GRAMD1B: variants seen among roughly 807,000 people sequenced by gnomAD.
The protein encoded by GRAMD1B is GRAM domain containing 1B, also known as protein Aster-B.
A neutral mutation model predicts 99.7 loss-of-function variants in GRAMD1B; 37 were observed. The observed-to-expected ratio is 0.37, with a 90% CI of 0.29 to 0.49. The LOEUF is 0.49. GRAMD1B is among the 20% of genes least tolerant of loss of function. The pLI, the probability that GRAMD1B is intolerant of heterozygous loss-of-function variation, is 0.98. For missense variants in GRAMD1B, 888 were observed against 1,009.2 expected (o/e 0.88, Z 1.63); for synonymous variants, 427 against 387.6 (o/e 1.10, Z -1.19).
chr11:123,442,922 G>A (rs558213719), intron 1 of GRAMD1B, among the ~76,000 whole-genome samples: 1 of 151,686 alleles, frequency 6.6e-6, no homozygotes, highest in African/African-American at 2.4e-5. Flanking sequence ...ATTTGTAAAT[G>A]GTCATGGCGC....
chr11:123,528,009 A>G (rs1185998028), intron 2 of GRAMD1B, among the ~76,000 whole-genome samples: 5 of 152,224 alleles, frequency 3.3e-5, no homozygotes, highest in Non-Finnish European at 1.5e-5. Context: ...AAGGATGGGA[A>G]AATGTTGTCA....
chr11:123,377,841 ACT>A (rs1946741333), intron 1 of GRAMD1B, among the ~76,000 whole-genome samples: 1 of 152,190 alleles, frequency 6.6e-6, no homozygotes, highest in Non-Finnish European at 1.5e-5. Context: ...AAGATCTCAA[ACT>A]CAAATGAAAT....
Position 123,624,609 on chromosome 11 carries a change from G to C in GRAMD1B, c.*2014G>C, listed in dbSNP as rs946772343. On this transcript the variant is annotated 3_prime_UTR_variant, in exon 20 of 20. Coordinates refer to ENST00000635736, the MANE Select transcript of GRAMD1B (RefSeq NM_001387025.1). ...GTGAGGGACACTGGTAGGGATCAAGGCTCATGGGCTCTGAGCCAAAGAAGG... is the reference window on the plus strand; with the variant it reads ...GTGAGGGACACTGGTAGGGATCAAGCCTCATGGGCTCTGAGCCAAAGAAGG... 1 of 152,200 alleles carries C rather than the reference G, an allele frequency of 6.6e-6. No individual in the cohort carries two copies. Among genetic ancestry groups the C allele is most frequent in the African/African-American group, 2.4e-5 (1 of 41,440 alleles). The allele number at this position is 152,200 out of a possible 1,614,324, so 9.4% of individuals were successfully genotyped here.
intron 1 of GRAMD1B, among the ~76,000 whole-genome samples, chr11:123,388,478 G>T (rs1023193871): frequency 3.9e-5 from 6 of 152,000 alleles, no homozygotes; most frequent in African/African-American, 1.5e-4. Flanking sequence ...TTTGAGACCA[G>T]CCTGGGCAAC....
intron 2 of GRAMD1B, among the ~76,000 whole-genome samples, chr11:123,575,613 G>T: frequency 6.6e-6 from 1 of 152,184 alleles, no homozygotes; most frequent in East Asian, 1.9e-4. Context: ...GTTGGCCCTA[G>T]AGCAAGGAGG....
chr11:123,545,424 A>T (rs78451755), intron 2 of GRAMD1B, among the ~76,000 whole-genome samples: 1 of 152,208 alleles, frequency 6.6e-6, no homozygotes, highest in Non-Finnish European at 1.5e-5. Context: ...GCTAGTCATC[A>T]GAATCATGTG....
At chr11:123,548,321 T>TACACACACACACACACAC (rs1484787385) in intron 2 of GRAMD1B, among the ~76,000 whole-genome samples, 4 of 107,214 alleles carry the variant, frequency 3.7e-5, no homozygotes, top group Non-Finnish European at 7.0e-5. Flanking sequence ...TATATATATA[T>TACACACACACACACACAC]ATATACACAC....
At chr11:123,571,306 C>T (rs1948047770) in intron 2 of GRAMD1B, among the ~76,000 whole-genome samples, 1 of 152,124 alleles carries the variant, frequency 6.6e-6, no homozygotes, top group South Asian at 2.1e-4. Flanking sequence ...AGGAAGAAAG[C>T]CAAGCAAAGT....
At chr11:123,533,881 A>G (rs1219193099) in intron 2 of GRAMD1B, among the ~76,000 whole-genome samples, 1 of 152,238 alleles carries the variant, frequency 6.6e-6, no homozygotes, top group East Asian at 1.9e-4. Context: ...TGGTAGTCTG[A>G]CTTTAGAGTC....
At chr11:123,500,010 C>T (rs75952480) in intron 2 of GRAMD1B, among the ~76,000 whole-genome samples, 2,107 of 152,276 alleles carry the variant, frequency 0.014, 63 homozygotes, top group African/African-American at 0.048. Flanking sequence ...ATAGGTTCAA[C>T]TGGCTGAGAG....
intron 9 of GRAMD1B, among the ~76,000 whole-genome samples, chr11:123,604,008 T>G (rs1401502899): frequency 6.6e-6 from 1 of 152,202 alleles, no homozygotes; most frequent in Non-Finnish European, 1.5e-5. Context: ...AAGGTGGCTT[T>G]CAGATTTTTT....
chr11:123,371,127 A>T (rs1357108764), intron 1 of GRAMD1B, among the ~76,000 whole-genome samples: 1 of 152,084 alleles, frequency 6.6e-6, no homozygotes, highest in African/African-American at 2.4e-5. Context: ...CTTCAGCAGG[A>T]TGCATGTCAG....
intron 2 of GRAMD1B, among the ~76,000 whole-genome samples, chr11:123,554,812 A>C (rs993748291): frequency 5.3e-5 from 8 of 152,170 alleles, no homozygotes; most frequent in Non-Finnish European, 7.4e-5. Flanking sequence ...TGTAGGGAGC[A>C]GCTCCTAGGA....
At chr11:123,529,034 T>A (rs1354590497) in intron 2 of GRAMD1B, among the ~76,000 whole-genome samples, 2 of 152,150 alleles carry the variant, frequency 1.3e-5, no homozygotes, top group Admixed American at 1.3e-4. Flanking sequence ...ATTTCTTCAT[T>A]CTACAAATGT....
chr11:123,380,885 T>G (rs1339916330), intron 1 of GRAMD1B, among the ~76,000 whole-genome samples: 2 of 152,330 alleles, frequency 1.3e-5, no homozygotes, highest in Admixed American at 1.3e-4. Flanking sequence ...ATCAGGATAA[T>G]GACCACCTCT....
In GRAMD1B at chr11:123,626,645, G is replaced by A. The variant is rs1955524358; in HGVS notation, c.*4050G>A. The A allele has an allele frequency of 6.6e-6, 1 of 152,228 alleles. No homozygotes were observed. Among genetic ancestry groups the A allele is most frequent in the East Asian group, 1.9e-4 (1 of 5,176 alleles). The allele number at this position is 152,228 out of a possible 1,614,324, so 9.4% of individuals were successfully genotyped here. A position where few individuals can be genotyped will look rare whatever the true frequency, so the allele number is the denominator to read the frequency against. On this transcript the variant is annotated 3_prime_UTR_variant, in exon 20 of 20. Transcript: ENST00000635736. ...CTCATACCCTGCCTGCCTCCTCCAG[G>A]AGGAATCTCCGGGGCCCCTTCCTGA...
chr11:123,493,378 G>A (rs1388829704), intron 2 of GRAMD1B, among the ~76,000 whole-genome samples: 2 of 152,188 alleles, frequency 1.3e-5, no homozygotes, highest in African/African-American at 4.8e-5. Context: ...CAAATAGTAG[G>A]CCTGGGCTTA....
chr11:123,616,151 G>T (rs184537724), intron 17 of GRAMD1B, among the ~76,000 whole-genome samples: 7 of 152,056 alleles, frequency 4.6e-5, no homozygotes, highest in Non-Finnish European at 2.9e-5. Flanking sequence ...GTGAAACCCC[G>T]TCTCTACTAA....
chr11:123,410,361 G>T (rs1213777640), intron 1 of GRAMD1B, among the ~76,000 whole-genome samples: 1 of 152,120 alleles, frequency 6.6e-6, no homozygotes, highest in African/African-American at 2.4e-5. Flanking sequence ...TGTTATGATG[G>T]GGTGGAAGGG....
Sources: gnomAD v4.1 joint callset for allele counts (sites outside exome capture counted in the v4.1 genomes callset) on GRCh38, gnomAD v4.1.1 for gene constraint, MANE v1.5 for transcripts, NCBI Gene and HGNC (gene_info 2026-07-23, HGNC 2026-07-21) for gene names.